ASIC2: variants seen among roughly 807,000 people sequenced by gnomAD.
ASIC2 encodes acid sensing ion channel subunit 2, also known as acid-sensing ion channel 2.
In ASIC2, 25 loss-of-function variants were observed where a neutral mutation model predicts 57.3. The ratio of observed to expected loss-of-function variants is 0.44; its 90% CI spans 0.32 to 0.61. ASIC2 has a LOEUF of 0.61. Among genes scored for constraint, ASIC2 ranks in the 20% least tolerant of loss-of-function variants. The probability of loss-of-function intolerance (pLI) is 0.06; values close to 1 mark genes in which losing one functional copy is unlikely to be tolerated. For missense variants in ASIC2, 641 were observed against 738.1 expected (o/e 0.87, Z 1.52); for synonymous variants, 319 against 307.5 (o/e 1.04, Z -0.39).
intron 1 of ASIC2, among the ~76,000 whole-genome samples, chr17:33,817,007 C>A (rs1912602906): frequency 6.6e-6 from 1 of 152,258 alleles, no homozygotes; most frequent in Non-Finnish European, 1.5e-5. Flanking sequence ...CTCACACCGC[C>A]TGGCAGGCAC....
chr17:33,862,835 T>C (rs924328939), intron 1 of ASIC2, among the ~76,000 whole-genome samples: 1 of 152,164 alleles, frequency 6.6e-6, no homozygotes, highest in Non-Finnish European at 1.5e-5. Context: ...ATTTACTAAA[T>C]AGAGAGGGCA....
intron 1 of ASIC2, among the ~76,000 whole-genome samples, chr17:33,803,822 A>ATT (rs199728816): frequency 6.6e-6 from 1 of 151,132 alleles, no homozygotes; most frequent in African/African-American, 2.4e-5. Flanking sequence ...TGTAACTGGC[A>ATT]TTTTTTTTTA....
At chr17:33,963,275 G>T (rs1904981536) in intron 1 of ASIC2, among the ~76,000 whole-genome samples, 1 of 152,156 alleles carries the variant, frequency 6.6e-6, no homozygotes, top group African/African-American at 2.4e-5. Flanking sequence ...TTGCATCGCT[G>T]TTTTCTGGGT....
intron 3 of ASIC2, among the ~76,000 whole-genome samples, chr17:33,031,223 T>C (rs1476828029): frequency 1.3e-5 from 2 of 152,164 alleles, no homozygotes; most frequent in African/African-American, 4.8e-5. Context: ...TCTATTTTTG[T>C]TCTTGTGCTA....
At chr17:33,080,954 G>C (rs2092110888) in intron 3 of ASIC2, among the ~76,000 whole-genome samples, 1 of 152,208 alleles carries the variant, frequency 6.6e-6, no homozygotes, top group African/African-American at 2.4e-5. Context: ...GCAGTTGACT[G>C]TGTGTAACTG....
At chr17:33,481,755 T>C (rs979270160) in intron 1 of ASIC2, among the ~76,000 whole-genome samples, 2 of 152,194 alleles carry the variant, frequency 1.3e-5, no homozygotes. Context: ...GTGCACCTTT[T>C]CCTTGGGCTA....
At chr17:33,057,521 G>A (rs2092002739) in intron 3 of ASIC2, among the ~76,000 whole-genome samples, 1 of 152,212 alleles carries the variant, frequency 6.6e-6, no homozygotes. Context: ...TTAAGATGCT[G>A]GATAACATCT....
intron 1 of ASIC2, among the ~76,000 whole-genome samples, chr17:33,894,308 G>C (rs567282158): frequency 6.6e-6 from 1 of 151,784 alleles, no homozygotes; most frequent in East Asian, 2.0e-4. Flanking sequence ...AAGAGGGGAA[G>C]GACAGAATGA....
At chr17:33,311,956 C>T (rs1461847063) in intron 1 of ASIC2, among the ~76,000 whole-genome samples, 1 of 152,194 alleles carries the variant, frequency 6.6e-6, no homozygotes, top group Non-Finnish European at 1.5e-5. Flanking sequence ...TATTGAAATA[C>T]TAAAGCAGTC....
chr17:34,030,741 C>T lies in ASIC2; in HGVS notation c.555+125237G>A, dbSNP rs113521157. Among the ~76,000 whole-genome samples, 1,522 of 152,312 alleles carry T rather than the reference C, an allele frequency of 1.0e-2. 25 individuals are homozygous for T. The highest frequency in any genetic ancestry group is 0.034 in the African/African-American group (1,414 of 41,570). ...CCTGGCTTGGAGGGTCCTATGCCCA[C>T]GGAGTCTTGCTCATTGCTAGCACAG... On this transcript the variant is annotated intron_variant, in intron 1 of 9. Transcript: ENST00000359872.
chr17:33,093,608 A>G (rs766754768), intron 2 of ASIC2, among the ~76,000 whole-genome samples: 2 of 152,170 alleles, frequency 1.3e-5, no homozygotes, highest in Non-Finnish European at 2.9e-5. Context: ...AGCCTGCAGA[A>G]GCCACAGTCT....
At chr17:33,683,313 A>C (rs373234459) in intron 1 of ASIC2, among the ~76,000 whole-genome samples, 1 of 152,184 alleles carries the variant, frequency 6.6e-6, no homozygotes, top group Non-Finnish European at 1.5e-5. Context: ...TGATCCACCC[A>C]CCTTGGCCTC....
At chr17:33,207,538 C>G (rs1032051678) in intron 1 of ASIC2, among the ~76,000 whole-genome samples, 3 of 152,146 alleles carry the variant, frequency 2.0e-5, no homozygotes, top group Admixed American at 6.5e-5. Flanking sequence ...AGAGAACAAA[C>G]CAGACCATCT....
chr17:33,385,699 A>G (rs1033579069), intron 1 of ASIC2, among the ~76,000 whole-genome samples: 2 of 152,230 alleles, frequency 1.3e-5, no homozygotes, highest in Non-Finnish European at 2.9e-5. Flanking sequence ...GAGTTTTGGC[A>G]GGAAGCTTTG....
chr17:34,043,669 C>G (rs1022360872), intron 1 of ASIC2, among the ~76,000 whole-genome samples: 1 of 152,098 alleles, frequency 6.6e-6, no homozygotes, highest in Non-Finnish European at 1.5e-5. Flanking sequence ...ACACTTTTAC[C>G]TTCACTAATT....
intron 1 of ASIC2, among the ~76,000 whole-genome samples, chr17:34,062,183 C>T (rs1908993935): frequency 6.6e-6 from 1 of 152,086 alleles, no homozygotes; most frequent in Admixed American, 6.5e-5. Flanking sequence ...TCTTTCAAAC[C>T]ACAGTGGAAT....
At chr17:33,816,284 G>T (rs570333757) in intron 1 of ASIC2, among the ~76,000 whole-genome samples, 67 of 152,194 alleles carry the variant, frequency 4.4e-4, no homozygotes, top group African/African-American at 1.6e-3. Flanking sequence ...GTTCCAAAAT[G>T]CGGAGGTGAA....
Position 33,772,536 on chromosome 17 carries a change from G to A in ASIC2, c.555+383442C>T, listed in dbSNP as rs112656081. Among the ~76,000 whole-genome samples the A allele has an allele frequency of 7.2e-4, 109 of 152,250 alleles. No individual in the cohort carries two copies. The East Asian group carries it at 9.7e-3, about 14-fold the overall frequency. On this transcript the variant is annotated intron_variant, in intron 1 of 9. Transcript: ENST00000359872. Reference sequence around the variant, plus strand: ...GTGTGATTTCTCAGGAAACCTGTACGGGGCCAAGGACCTTGGCCCCACAAT... The same window carrying A: ...GTGTGATTTCTCAGGAAACCTGTACAGGGCCAAGGACCTTGGCCCCACAAT...
At chr17:33,613,744 T>C (rs1905499870) in intron 1 of ASIC2, among the ~76,000 whole-genome samples, 1 of 152,188 alleles carries the variant, frequency 6.6e-6, no homozygotes, top group Non-Finnish European at 1.5e-5. Context: ...TTGCTTTTTG[T>C]CACTTAATAA....
Sources: allele counts gnomAD v4.1 joint callset (sites outside exome capture counted in the v4.1 genomes callset), GRCh38; gene constraint gnomAD v4.1.1; transcripts MANE v1.5; gene names NCBI Gene and HGNC (gene_info 2026-07-23, HGNC 2026-07-21).